The following FBN1 variants were observed in gnomAD, a reference collection of about 807,000 sequenced individuals.
FBN1 encodes the protein fibrillin 1, also known as fibrillin-1.
FBN1 carries 29 observed loss-of-function variants against 365.1 expected under a neutral mutation model. The observed-to-expected ratio is 0.08, with a 90% CI of 0.06 to 0.11. FBN1 has a LOEUF of 0.11. Among genes scored for constraint, FBN1 ranks in the 10% least tolerant of loss-of-function variants. The pLI, the probability that FBN1 is intolerant of heterozygous loss-of-function variation, is 1.00. For synonymous variants in FBN1, 1,210 were observed against 1,270.5 expected (o/e 0.95, Z 1.01); for missense variants, 2,476 against 3,703.2 (o/e 0.67, Z 8.60).
At chr15:48,430,559 G>C in intron 56 of FBN1, 112 bp downstream of exon 56, 1 of 1,270,840 alleles carries the variant, frequency 7.9e-7, no homozygotes, top group South Asian at 1.2e-5. Flanking sequence ...GCGGTTAAGA[G>C]AACAAAATGG....
At chr15:48,635,609 C>T (rs569067380) in intron 2 of FBN1, among the ~76,000 whole-genome samples, 2 of 152,270 alleles carry the variant, frequency 1.3e-5, no homozygotes, top group African/African-American at 2.4e-5. Flanking sequence ...AAATTCCATA[C>T]AGAAGAAAGT....
rs534788161 is a variant in FBN1, at chr15:48,572,783, C to T, written c.538+23500G>A. ...CTAGGGAGAAAAAGAGGGACATAAG[C>T]TTTATCTGAGATGCTCTGGTTCGTT... On this transcript the variant is annotated intron_variant, in intron 6 of 65. Coordinates refer to ENST00000316623, the MANE Select transcript of FBN1 (RefSeq NM_000138.5). Among the ~76,000 whole-genome samples the T allele has an allele frequency of 9.7e-4, 147 of 152,282 alleles. 1 individual carries two copies. The highest frequency in any genetic ancestry group is 2.8e-3 in the Admixed American group (43 of 15,286).
chr15:48,624,107 G>A (rs1434242000), intron 2 of FBN1, among the ~76,000 whole-genome samples: 3 of 152,000 alleles, frequency 2.0e-5, no homozygotes, highest in Non-Finnish European at 4.4e-5. Flanking sequence ...TCTTTTATAG[G>A]TGGAGTGTAT....
intron 65 of FBN1, among the ~76,000 whole-genome samples, chr15:48,411,882 G>C (rs17456936): frequency 0.018 from 2,762 of 152,344 alleles, 55 homozygotes; most frequent in Non-Finnish European, 0.03. Context: ...CGAAGAACCA[G>C]ACTATTTCAA....
intron 50 of FBN1, 100 bp from the exon 51 acceptor site, chr15:48,438,017 C>T: frequency 8.3e-7 from 1 of 1,211,076 alleles, no homozygotes; most frequent in Non-Finnish European, 1.2e-6. Context: ...ATATGTTCTC[C>T]TCTCAGGACC....
rs147886801 is a variant in FBN1 at position 48,565,896 on chromosome 15, T to C, written c.539-28088A>G. Among the ~76,000 whole-genome samples the C allele has an allele frequency of 3.6e-3, 555 of 152,334 alleles. 4 individuals are homozygous for C. The highest frequency in any genetic ancestry group is 0.013 in the African/African-American group (535 of 41,580). On this transcript the variant is annotated intron_variant, in intron 6 of 65. Coordinates refer to ENST00000316623, the MANE Select transcript of FBN1 (RefSeq NM_000138.5). ...GAATAATGGCATCTAATGCATGATT[T>C]GCATTTGAGCCTGAGGAATTAAAAA... is the stretch of plus-strand genomic sequence containing the variant.
At chr15:48,488,313 AT>A (rs2043527169) in intron 26 of FBN1, 54 bp downstream of exon 26, 21 of 1,356,316 alleles carry the variant, frequency 1.5e-5, no homozygotes, top group Non-Finnish European at 2.0e-5. Context: ...TATGTTAAAG[AT>A]AAAGAGTTTT....
chr15:48,640,377 A>G (rs1367853005), intron 2 of FBN1, among the ~76,000 whole-genome samples: 1 of 152,230 alleles, frequency 6.6e-6, no homozygotes, highest in Non-Finnish European at 1.5e-5. Flanking sequence ...AATGTAAACC[A>G]TACCCCTGCA....
intron 7 of FBN1, among the ~76,000 whole-genome samples, chr15:48,535,706 C>T (rs934015972): frequency 3.7e-4 from 56 of 152,228 alleles, no homozygotes; most frequent in African/African-American, 1.3e-3. Flanking sequence ...ATTAAAGAAA[C>T]AACAATTTAG....
intron 53 of FBN1, among the ~76,000 whole-genome samples, chr15:48,436,690 A>G (rs1452967962): frequency 4.6e-5 from 7 of 152,146 alleles, no homozygotes; most frequent in African/African-American, 1.7e-4. Flanking sequence ...ATCTCTTCTG[A>G]TATGTCCAGT....
chr15:48,496,669 T>C (rs2043611464), intron 19 of FBN1, among the ~76,000 whole-genome samples: 1 of 152,210 alleles, frequency 6.6e-6, no homozygotes, highest in Non-Finnish European at 1.5e-5. Context: ...AGAATGGGTG[T>C]TTCTTCCTTA....
At chr15:48,519,823 A>T (rs755251) in intron 10 of FBN1, among the ~76,000 whole-genome samples, 2 of 152,190 alleles carry the variant, frequency 1.3e-5, no homozygotes, top group East Asian at 3.9e-4. Flanking sequence ...GACTCTAAAT[A>T]CTGTGCTAAG....
intron 44 of FBN1, 67 bp downstream of exon 44, chr15:48,456,570 A>G: frequency 6.6e-7 from 1 of 1,525,896 alleles, no homozygotes; most frequent in East Asian, 2.3e-5. Flanking sequence ...GAAATTCGCC[A>G]AGTGTGTATC....
intron 2 of FBN1, among the ~76,000 whole-genome samples, chr15:48,613,419 C>A (rs981937758): frequency 6.6e-6 from 1 of 152,042 alleles, no homozygotes; most frequent in African/African-American, 2.4e-5. Context: ...AAATTTCTTA[C>A]CAATATGGTT....
chr15:48,634,222 CA>C lies in FBN1; in HGVS notation c.164+10383del, dbSNP rs537505377. Among the ~76,000 whole-genome samples, 596 of 152,306 alleles carry C rather than the reference CA, an allele frequency of 3.9e-3. 7 individuals carry two copies. Among genetic ancestry groups the C allele is most frequent in the African/African-American group, 0.014 (581 of 41,556 alleles). On this transcript the variant is annotated intron_variant, in intron 2 of 65. Transcript: ENST00000316623. ...ACCATTAGTTACAAGAAGCAGGATG[CA>C]TCAAACTTTACATAGTACCATATAC... is the stretch of plus-strand genomic sequence containing the variant.
At chr15:48,561,671 A>G (rs957888554) in intron 6 of FBN1, among the ~76,000 whole-genome samples, 1 of 152,218 alleles carries the variant, frequency 6.6e-6, no homozygotes, top group African/African-American at 2.4e-5. Flanking sequence ...TGAATAAACA[A>G]CCTTCAGATG....
chr15:48,627,627 A>G (rs1227952957), intron 2 of FBN1, among the ~76,000 whole-genome samples: 1 of 150,170 alleles, frequency 6.7e-6, no homozygotes, highest in Admixed American at 6.7e-5. Flanking sequence ...GGTGATCCAG[A>G]TGATCTTCTA....
chr15:48,412,393 G>T (rs2042870590), intron 65 of FBN1, among the ~76,000 whole-genome samples, 176 bp downstream of exon 65: 1 of 152,162 alleles, frequency 6.6e-6, no homozygotes, highest in Admixed American at 6.5e-5. Context: ...AAAGCAGCAA[G>T]AAACTCCAGA....
In FBN1 at chr15:48,499,251, G is replaced by C. The variant is rs1457761562; in HGVS notation, c.2114-213C>G. On this transcript the variant is annotated intron_variant, in intron 17 of 65. Coordinates refer to ENST00000316623, the MANE Select transcript of FBN1 (RefSeq NM_000138.5). ...AAGGAAAACAACTTTTAAGGATACA[G>C]GCAAGTTATAGCAATTCCTTGTGCA... 2.6e-5 allele frequency among the ~76,000 whole-genome samples: 4 copies of C among 152,188 alleles called. No individual in the cohort carries two copies. The East Asian group carries it at 7.7e-4, about 29-fold the overall frequency.
Sources: gnomAD v4.1 joint callset for allele counts (sites outside exome capture counted in the v4.1 genomes callset) on GRCh38, gnomAD v4.1.1 for gene constraint, MANE v1.5 for transcripts, NCBI Gene and HGNC (gene_info 2026-07-23, HGNC 2026-07-21) for gene names.